The following HMCN1 variants were observed in gnomAD, a reference collection of about 807,000 sequenced individuals.
The protein encoded by HMCN1 is hemicentin-1.
Under a neutral mutation model 625.9 loss-of-function variants are expected in HMCN1, and 321 were observed. That is an observed-to-expected ratio of 0.51 (90% confidence interval 0.47 to 0.56). The LOEUF is 0.56. HMCN1 is among the 20% of genes least tolerant of loss of function. The pLI, the probability that HMCN1 is intolerant of heterozygous loss-of-function variation, is 0.00. For missense variants in HMCN1, 6,588 were observed against 6,887.3 expected (o/e 0.96, Z 1.54); for synonymous variants, 2,425 against 2,417.6 (o/e 1.00, Z -0.09).
rs538663584 is a variant in HMCN1 at position 185,744,716 on chromosome 1, G to T, written c.268+9669G>T. Among the ~76,000 whole-genome samples the T allele has an allele frequency of 7.9e-5, 12 of 152,324 alleles. No homozygotes were observed. The East Asian group carries it at 2.3e-3, about 29-fold the overall frequency. ...ATTAAGATGGTGGTGGTCAGCAAAG[G>T]TTTTCTGGAATAATTGTGGCCTGGA... is the stretch of plus-strand genomic sequence containing the variant. On this transcript the variant is annotated intron_variant, in intron 1 of 106. Transcript: ENST00000271588.
intron 1 of HMCN1, among the ~76,000 whole-genome samples, chr1:185,766,056 G>T (rs567346793): frequency 1.1e-4 from 17 of 152,188 alleles, no homozygotes; most frequent in African/African-American, 3.9e-4. Context: ...TTTGTGATAT[G>T]CAATTAAAAT....
chr1:186,174,769 G>C (rs1023240788), intron 103 of HMCN1, 127 bp downstream of exon 103: 2 of 836,212 alleles, frequency 2.4e-6, no homozygotes, highest in Non-Finnish European at 2.0e-6. Context: ...TATGTGAATT[G>C]ATTTACGTCA....
chr1:186,083,496 T>C (rs1325379639), intron 57 of HMCN1, among the ~76,000 whole-genome samples: 2 of 54,538 alleles, frequency 3.7e-5, no homozygotes, highest in Non-Finnish European at 6.0e-5. Flanking sequence ...ATACCACTTT[T>C]TGCTAAAAAA....
intron 1 of HMCN1, among the ~76,000 whole-genome samples, chr1:185,778,374 T>G (rs1404442035): frequency 2.6e-5 from 4 of 151,934 alleles, no homozygotes; most frequent in African/African-American, 7.3e-5. Context: ...TACTTTAAGT[T>G]CTAGGGTACA....
At chr1:185,830,726 A>G (rs1046174289) in intron 1 of HMCN1, among the ~76,000 whole-genome samples, 1 of 152,078 alleles carries the variant, frequency 6.6e-6, no homozygotes, top group African/African-American at 2.4e-5. Flanking sequence ...GTCTCTACAA[A>G]AAAATACAAA....
intron 35 of HMCN1, 23 bp from the exon 36 acceptor site, chr1:186,023,007 C>A: frequency 6.2e-7 from 1 of 1,611,922 alleles, no homozygotes; most frequent in Non-Finnish European, 8.5e-7. Flanking sequence ...CAAAAATCCT[C>A]TGTGCTTTCT....
intron 52 of HMCN1, among the ~76,000 whole-genome samples, chr1:186,073,948 A>G (rs1434109962): frequency 2.0e-5 from 3 of 152,064 alleles, no homozygotes; most frequent in Non-Finnish European, 4.4e-5. Context: ...AGGGTGAGGG[A>G]CAAGAAAATT....
chr1:185,816,468 T>C (rs953900924), intron 1 of HMCN1, among the ~76,000 whole-genome samples: 9 of 152,202 alleles, frequency 5.9e-5, no homozygotes, highest in Non-Finnish European at 1.3e-4. Context: ...TATATCAATA[T>C]ATTGGATATA....
At chr1:185,737,228 C>T (rs977225473) in intron 1 of HMCN1, among the ~76,000 whole-genome samples, 2 of 151,720 alleles carry the variant, frequency 1.3e-5, no homozygotes, top group Non-Finnish European at 2.9e-5. Flanking sequence ...TATCATGGCT[C>T]ACTGCAGACT....
chr1:186,106,946 A>G lies in HMCN1; in HGVS notation c.10833A>G (p.Glu3611=). The G allele has an allele frequency of 6.2e-7, 1 of 1,610,114 alleles. No individual in the cohort carries two copies. The highest frequency in any genetic ancestry group is 2.2e-5 in the East Asian group (1 of 44,848). Residue 3611 remains glutamate, a synonymous_variant, in exon 70 of 107, where the codon GAA becomes GAG. Coordinates refer to ENST00000271588, the MANE Select transcript of HMCN1 (RefSeq NM_031935.3). Reference sequence around the variant, plus strand: ...GTCCTGCAGGAGATGATGATAAGGAATATCTAGTGAGAGTGCATGGTAAAT... The same window carrying G: ...GTCCTGCAGGAGATGATGATAAGGAGTATCTAGTGAGAGTGCATGGTAAAT... The part of the protein sequence containing the change: ...ASSPAGDDDK[E]YLVRVHVPPN...
intron 1 of HMCN1, among the ~76,000 whole-genome samples, chr1:185,798,069 T>G (rs1340327129): frequency 6.6e-6 from 1 of 152,100 alleles, no homozygotes; most frequent in Non-Finnish European, 1.5e-5. Flanking sequence ...TTAGATTTCT[T>G]TTGTGCATTT....
At chr1:186,060,024 T>C (rs138602289) in intron 46 of HMCN1, among the ~76,000 whole-genome samples, 284 of 152,182 alleles carry the variant, frequency 1.9e-3, no homozygotes, top group African/African-American at 6.3e-3. Flanking sequence ...CCTTCCCTAA[T>C]TGACATAAGT....
chr1:185,746,801 T>G (rs1228668525), intron 1 of HMCN1, among the ~76,000 whole-genome samples: 4 of 151,978 alleles, frequency 2.6e-5, no homozygotes, highest in Non-Finnish European at 4.4e-5. Flanking sequence ...GAGACAGGGT[T>G]TTGCTGTGTT....
intron 83 of HMCN1, among the ~76,000 whole-genome samples, chr1:186,129,392 T>A (rs1342025100): frequency 6.6e-6 from 1 of 151,270 alleles, no homozygotes; most frequent in Non-Finnish European, 1.5e-5. Context: ...AATTTTTAAA[T>A]AAAATATATG....
At chr1:186,057,179 T>C (rs1042945282) in intron 45 of HMCN1, 55 bp from the exon 46 acceptor site, 85 of 1,388,666 alleles carry the variant, frequency 6.1e-5, no homozygotes, top group Admixed American at 1.9e-4. Context: ...GTATATCAAA[T>C]GTATATCAGG....
intron 4 of HMCN1, among the ~76,000 whole-genome samples, chr1:185,886,044 T>C (rs1345787329): frequency 6.6e-6 from 1 of 152,138 alleles, no homozygotes; most frequent in East Asian, 1.9e-4. Context: ...GTCCCTGATA[T>C]TCTGTCTAAA....
intron 1 of HMCN1, among the ~76,000 whole-genome samples, chr1:185,746,559 C>T (rs1239919672): frequency 2.0e-5 from 3 of 150,782 alleles, no homozygotes; most frequent in African/African-American, 4.9e-5. Flanking sequence ...CTGCCTTTGT[C>T]GTCACATGGT....
At chr1:185,937,876 A>G (rs993222304) in intron 11 of HMCN1, among the ~76,000 whole-genome samples, 1 of 144,294 alleles carries the variant, frequency 6.9e-6, no homozygotes, top group African/African-American at 2.6e-5. Flanking sequence ...GCGAGACTCC[A>G]TCTCAAAATA....
chr1:185,849,133 A>G (rs61829889), intron 2 of HMCN1, among the ~76,000 whole-genome samples: 4,664 of 151,968 alleles, frequency 0.031, 103 homozygotes, highest in Middle Eastern at 0.071. Flanking sequence ...ATTCCCATCT[A>G]GTGCCACTCT....
Sources: allele counts gnomAD v4.1 joint callset (sites outside exome capture counted in the v4.1 genomes callset), GRCh38; gene constraint gnomAD v4.1.1; transcripts MANE v1.5; gene names NCBI Gene and HGNC (gene_info 2026-07-23, HGNC 2026-07-21).